Variants in ERICH5 observed in about 807,000 individuals in gnomAD.
ERICH5 encodes glutamate rich 5, also known as glutamate-rich protein 5.
In ERICH5, 24 loss-of-function variants were observed where a neutral mutation model predicts 28.0. That is an observed-to-expected ratio of 0.86 (90% CI 0.62 to 1.21). ERICH5 has a LOEUF of 1.21. ERICH5 is among the 50% of genes most tolerant of loss of function. ERICH5 has a pLI of 0.00. For synonymous variants in ERICH5, 163 were observed against 157.6 expected (o/e 1.03, Z -0.25); for missense variants, 421 against 441.2 (o/e 0.95, Z 0.41).
intron 1 of ERICH5, among the ~76,000 whole-genome samples, chr8:98,068,423 G>A (rs572776762): frequency 1.3e-5 from 2 of 152,260 alleles, no homozygotes; most frequent in African/African-American, 2.4e-5. Flanking sequence ...GTCACACATC[G>A]ATTTTTATGA....
intron 1 of ERICH5, among the ~76,000 whole-genome samples, chr8:98,079,630 C>T (rs903405328): frequency 6.6e-6 from 1 of 152,168 alleles, no homozygotes; most frequent in African/African-American, 2.4e-5. Context: ...ACCTCCGCCT[C>T]CTGGGTTCAA....
In ERICH5 at chr8:98,093,459, C is replaced by G. The variant is rs1227570230; in HGVS notation, c.*126C>G. The G allele has an allele frequency of 1.8e-6, 1 of 558,460 alleles. No individual in the cohort carries two copies. The highest frequency in any genetic ancestry group is 3.1e-6 in the Non-Finnish European group (1 of 322,282). The allele number at this position is 558,460 out of a possible 1,614,324, so 34.6% of individuals were successfully genotyped here. A position where few individuals can be genotyped will look rare whatever the true frequency, so the allele number is the denominator to read the frequency against. ...TGTAAGGAGTGTGGTTATAGAGAGA[C>G]TGTTGGAACCATGAGAAGGATGTTT... is the stretch of plus-strand genomic sequence containing the variant. On this transcript the variant is annotated 3_prime_UTR_variant, in exon 3 of 3. Coordinates refer to ENST00000318528, the MANE Select transcript of ERICH5 (RefSeq NM_173549.3).
chr8:98,079,153 CTTTTTTTTTTTCCTTTTT>C (rs1341654390), intron 1 of ERICH5, among the ~76,000 whole-genome samples: 1,429 of 132,388 alleles, frequency 0.011, 33 homozygotes, highest in African/African-American at 0.036. Flanking sequence ...ACATTTTCCT[CTTTTTTTTTTTCCTTTTT>C]TTTTTTTTTT....
Position 98,091,900 on chromosome 8 carries a change from CCTTT to C in ERICH5, c.1013-1305_1013-1302del, listed in dbSNP as rs74202034. On this transcript the variant is annotated intron_variant, in intron 2 of 2. Transcript: ENST00000318528. The stretch of plus-strand genomic sequence containing the variant: ...TCTTTCTTTCTTTCTTTCTTTCTTT[CCTTT>C]CTTTCTTTCTTTCTTCCTTTCTTTC... 8.7e-3 allele frequency among the ~76,000 whole-genome samples: 653 copies of C among 74,700 alleles called. 10 individuals carry two copies. Among genetic ancestry groups the C allele is most frequent in the Non-Finnish European group, 0.013 (481 of 37,774 alleles). 49.0% of individuals were successfully genotyped at this position (74,700 alleles called of 152,430 possible). A position where few individuals can be genotyped will look rare whatever the true frequency, so the allele number is the denominator to read the frequency against.
intron 2 of ERICH5, among the ~76,000 whole-genome samples, chr8:98,090,326 C>T (rs1314779650): frequency 6.6e-6 from 1 of 152,168 alleles, no homozygotes; most frequent in Non-Finnish European, 1.5e-5. Context: ...CAAGTTGACA[C>T]TTCATCAGGC....
chr8:98,077,551 T>A (rs960750019), intron 1 of ERICH5, among the ~76,000 whole-genome samples: 1 of 152,188 alleles, frequency 6.6e-6, no homozygotes, highest in Non-Finnish European at 1.5e-5. Flanking sequence ...GAAAATAAAA[T>A]TGGAAAAGTA....
At chr8:98,083,135 A>G (rs1357518022) in intron 1 of ERICH5, among the ~76,000 whole-genome samples, 1 of 152,218 alleles carries the variant, frequency 6.6e-6, no homozygotes, top group East Asian at 1.9e-4. Flanking sequence ...CTCTAGGAGA[A>G]TAATGCCTTT....
At chr8:98,070,331 C>T (rs912669134) in intron 1 of ERICH5, among the ~76,000 whole-genome samples, 19 of 151,916 alleles carry the variant, frequency 1.3e-4, no homozygotes, top group Non-Finnish European at 2.6e-4. Flanking sequence ...GTACTCCAGC[C>T]TGGGCAACAC....
chr8:98,088,413 G>A (rs1308153077), intron 1 of ERICH5, among the ~76,000 whole-genome samples: 1 of 152,156 alleles, frequency 6.6e-6, no homozygotes, highest in Non-Finnish European at 1.5e-5. Context: ...TGGAACAATG[G>A]CCAGAAGTAA....
intron 1 of ERICH5, among the ~76,000 whole-genome samples, chr8:98,072,079 C>G (rs555564041): frequency 6.6e-6 from 1 of 151,944 alleles, no homozygotes; most frequent in African/African-American, 2.4e-5. Context: ...GCTAAAACCC[C>G]CTAGGAATTA....
intron 1 of ERICH5, among the ~76,000 whole-genome samples, chr8:98,078,742 T>G (rs528934305): frequency 6.2e-4 from 95 of 152,320 alleles, no homozygotes; most frequent in African/African-American, 2.3e-3. Flanking sequence ...TACAACAGAA[T>G]CAAGGGAGAT....
chr8:98,074,644 C>T (rs1454436175), intron 1 of ERICH5, among the ~76,000 whole-genome samples: 1 of 152,058 alleles, frequency 6.6e-6, no homozygotes, highest in African/African-American at 2.4e-5. Context: ...AGTGATCCTC[C>T]TGCCTTGGCC....
intron 2 of ERICH5, among the ~76,000 whole-genome samples, chr8:98,092,858 T>G (rs1360699003): frequency 6.6e-6 from 1 of 151,216 alleles, no homozygotes; most frequent in Non-Finnish European, 1.5e-5. Flanking sequence ...TCACTGCAAC[T>G]TCTGCCTCCC....
chr8:98,064,628 G>T lies in ERICH5; in HGVS notation c.-42G>T. 6.8e-7 allele frequency: 1 copy of T among 1,470,272 alleles called. No individual in the cohort carries two copies. Among genetic ancestry groups the T allele is most frequent in the South Asian group, 1.3e-5 (1 of 76,940 alleles). 91.1% of individuals were successfully genotyped at this position (1,470,272 alleles called of 1,614,324 possible). On this transcript the variant is annotated 5_prime_UTR_variant, in exon 1 of 3. Transcript: ENST00000318528. ...TGCCTTCGGTTCCCGGTTCCGGGCC[G>T]ACACCCGCGCAGGGCTGAGACAGGT...
chr8:98,078,868 A>G (rs911231283), intron 1 of ERICH5, among the ~76,000 whole-genome samples: 1 of 152,208 alleles, frequency 6.6e-6, no homozygotes, highest in Non-Finnish European at 1.5e-5. Context: ...TCTGTCTACA[A>G]TATTTATTAT....
chr8:98,092,788 T>C (rs560756419), intron 2 of ERICH5, among the ~76,000 whole-genome samples: 2 of 151,786 alleles, frequency 1.3e-5, no homozygotes, highest in East Asian at 3.9e-4. Context: ...TTTTTTTTTT[T>C]TTTTTGAGAC....
At chr8:98,081,104 CTCTT>C (rs199699115) in intron 1 of ERICH5, among the ~76,000 whole-genome samples, 13 of 151,526 alleles carry the variant, frequency 8.6e-5, no homozygotes, top group African/African-American at 2.9e-4. Context: ...CTCTCTCTCT[CTCTT>C]TTTTTCTTTT....
chr8:98,082,420 T>A (rs1012408900), intron 1 of ERICH5, among the ~76,000 whole-genome samples: 1 of 151,920 alleles, frequency 6.6e-6, no homozygotes, highest in African/African-American at 2.4e-5. Flanking sequence ...TGGAGGTGGG[T>A]GGATCACCTG....
At chr8:98,080,786 T>G (rs1381314668) in intron 1 of ERICH5, among the ~76,000 whole-genome samples, 2 of 137,816 alleles carry the variant, frequency 1.5e-5, no homozygotes, top group Non-Finnish European at 3.1e-5. Context: ...CACTACAACC[T>G]CTGCCTCCCA....
Sources: allele counts gnomAD v4.1 joint callset (sites outside exome capture counted in the v4.1 genomes callset), GRCh38; gene constraint gnomAD v4.1.1; transcripts MANE v1.5; gene names NCBI Gene and HGNC (gene_info 2026-07-23, HGNC 2026-07-21).